The following CCBE1 variants were observed in gnomAD, a reference collection of about 807,000 sequenced individuals.
CCBE1 encodes collagen and calcium-binding EGF domain-containing protein 1.
A neutral mutation model predicts 50.0 loss-of-function variants in CCBE1; 37 were observed. That is an observed-to-expected ratio of 0.74 (90% CI 0.57 to 0.97). The LOEUF is 0.97. CCBE1 is among the 50% of genes least tolerant of loss of function. CCBE1 has a pLI of 0.00. For synonymous variants in CCBE1, 234 were observed against 203.7 expected, an observed-to-expected ratio of 1.15 and a Z score of -1.27; for missense variants, 538 against 523.8, an observed-to-expected ratio of 1.03 and a Z score of -0.26.
intron 2 of CCBE1, among the ~76,000 whole-genome samples, chr18:59,536,040 T>C (rs904161775): frequency 2.6e-5 from 4 of 152,248 alleles, no homozygotes; most frequent in African/African-American, 9.6e-5. Flanking sequence ...ATTTTGTTTG[T>C]AATGTTTCAT....
intron 5 of CCBE1, chr18:59,465,429 C>G (rs544007115): frequency 6.6e-6 from 1 of 152,126 alleles, no homozygotes. Context: ...GGAAATAACC[C>G]GAACTTCAGC....
chr18:59,485,609 TA>T (rs1188065100), intron 2 of CCBE1, among the ~76,000 whole-genome samples: 1 of 150,654 alleles, frequency 6.6e-6, no homozygotes, highest in Non-Finnish European at 1.5e-5. Context: ...TTTATTTATT[TA>T]TTTATTTATT....
chr18:59,517,926 T>C (rs1199175065), intron 2 of CCBE1, among the ~76,000 whole-genome samples: 1 of 152,244 alleles, frequency 6.6e-6, no homozygotes, highest in Non-Finnish European at 1.5e-5. Context: ...AAGATCATTA[T>C]GTCCAGAATT....
rs541937033 is a variant in CCBE1 at position 59,637,822 on chromosome 18, T to C, written c.212+58807A>G. Among the ~76,000 whole-genome samples, 19 of 152,320 alleles carry C rather than the reference T, an allele frequency of 1.2e-4. No individual in the cohort carries two copies. The South Asian group carries it at 3.3e-3, about 27-fold the overall frequency. On this transcript the variant is annotated intron_variant, in intron 2 of 10. Coordinates refer to ENST00000439986, the MANE Select transcript of CCBE1 (RefSeq NM_133459.4). ...GAATACCTGAATATTTCTGTAACCA[T>C]TCATTAAAGTGAATTCAATTAAAAA...
intron 2 of CCBE1, among the ~76,000 whole-genome samples, chr18:59,562,374 C>A (rs1386392752): frequency 6.6e-6 from 1 of 152,114 alleles, no homozygotes; most frequent in Non-Finnish European, 1.5e-5. Flanking sequence ...GAGGGTAATC[C>A]TCTCCCACCA....
chr18:59,623,721 T>C (rs1480182842), intron 2 of CCBE1, among the ~76,000 whole-genome samples: 2 of 152,128 alleles, frequency 1.3e-5, no homozygotes, highest in African/African-American at 2.4e-5. Context: ...ATTTTGTTTA[T>C]AAATTGTTTA....
intron 2 of CCBE1, among the ~76,000 whole-genome samples, chr18:59,521,422 GTT>G (rs1276931501): frequency 6.6e-6 from 1 of 152,054 alleles, no homozygotes; most frequent in South Asian, 2.1e-4. Context: ...TTCTTTGTTT[GTT>G]TTTTGTTTTT....
intron 2 of CCBE1, among the ~76,000 whole-genome samples, chr18:59,558,746 C>G (rs1594191): frequency 0.1 from 15,934 of 152,106 alleles, 937 homozygotes; most frequent in African/African-American, 0.16. Flanking sequence ...TTGCTTGTGC[C>G]CAGAGAAAGA....
intron 5 of CCBE1, among the ~76,000 whole-genome samples, chr18:59,466,353 C>A (rs926567258): frequency 6.6e-6 from 1 of 151,968 alleles, no homozygotes; most frequent in Admixed American, 6.6e-5. Context: ...CGTTCTCTTG[C>A]CTGCAACCGT....
chr18:59,447,183 TTATACACACATATA>T (rs1910712644), intron 7 of CCBE1, among the ~76,000 whole-genome samples: 2 of 152,166 alleles, frequency 1.3e-5, no homozygotes, highest in Admixed American at 6.5e-5. Context: ...AAGAATTTCT[TTATACACACATATA>T]TATACACACA....
chr18:59,538,647 CA>C (rs1358446321), intron 2 of CCBE1, among the ~76,000 whole-genome samples: 1 of 152,152 alleles, frequency 6.6e-6, no homozygotes, highest in Non-Finnish European at 1.5e-5. Flanking sequence ...CAAGAGTAAA[CA>C]GTCAAAAGTG....
intron 2 of CCBE1, among the ~76,000 whole-genome samples, chr18:59,635,486 A>T (rs2053903512): frequency 6.6e-6 from 1 of 151,632 alleles, no homozygotes; most frequent in East Asian, 1.9e-4. Context: ...AAGAAACAGT[A>T]ATTTAAAAAA....
intron 7 of CCBE1, among the ~76,000 whole-genome samples, chr18:59,446,321 G>A (rs1910667377): frequency 6.6e-6 from 1 of 152,188 alleles, no homozygotes; most frequent in African/African-American, 2.4e-5. Context: ...GCCTGGAGTT[G>A]ACTTCCTCCA....
At chr18:59,591,398 A>G (rs893574128) in intron 2 of CCBE1, among the ~76,000 whole-genome samples, 24 of 152,156 alleles carry the variant, frequency 1.6e-4, no homozygotes, top group African/African-American at 5.3e-4. Flanking sequence ...TCAAAGAACA[A>G]AAGAAAAACT....
chr18:59,674,812 C>G (rs777590847), intron 2 of CCBE1, among the ~76,000 whole-genome samples: 1 of 152,092 alleles, frequency 6.6e-6, no homozygotes, highest in Non-Finnish European at 1.5e-5. Flanking sequence ...TATAACTGCT[C>G]TCATAGGGAA....
chr18:59,485,680 G>A (rs1296235428), intron 2 of CCBE1, among the ~76,000 whole-genome samples: 3 of 151,232 alleles, frequency 2.0e-5, no homozygotes, highest in East Asian at 1.9e-4. Context: ...GCATGATCTC[G>A]GCTCCCTGCA....
At chr18:59,478,040 G>C (rs554168675) in intron 3 of CCBE1, among the ~76,000 whole-genome samples, 1 of 152,110 alleles carries the variant, frequency 6.6e-6, no homozygotes, top group Non-Finnish European at 1.5e-5. Flanking sequence ...TAATGCGGGT[G>C]GGCCTCATCC....
chr18:59,437,886 C>T (rs988287138), intron 10 of CCBE1, among the ~76,000 whole-genome samples: 1 of 152,190 alleles, frequency 6.6e-6, no homozygotes, highest in South Asian at 2.1e-4. Context: ...AAAGATTAGC[C>T]ATGATAAAAG....
At chr18:59,575,546 C>T (rs924200415) in intron 2 of CCBE1, among the ~76,000 whole-genome samples, 34 of 152,168 alleles carry the variant, frequency 2.2e-4, no homozygotes, top group Non-Finnish European at 4.6e-4. Flanking sequence ...TACAGACTAA[C>T]ACAATATGAT....
Sources: allele counts gnomAD v4.1 joint callset (sites outside exome capture counted in the v4.1 genomes callset), GRCh38; gene constraint gnomAD v4.1.1; transcripts MANE v1.5; gene names NCBI Gene and HGNC (gene_info 2026-07-23, HGNC 2026-07-21).